The following ATP11C variants were observed in gnomAD, a reference collection of about 807,000 sequenced individuals.
ATP11C encodes ATPase phospholipid transporting 11C (ATP11C blood group).
ATP11C carries 36 observed loss-of-function variants against 97.4 expected under a neutral mutation model. That is an observed-to-expected ratio of 0.37 (90% CI 0.28 to 0.49). The LOEUF (loss-of-function observed/expected upper bound fraction) is 0.49. ATP11C is among the 20% of genes least tolerant of loss of function. The pLI is 0.98. For synonymous variants in ATP11C, 275 were observed against 290.9 expected (o/e 0.95, Z 0.56); for missense variants, 730 against 824.6 (o/e 0.89, Z 1.40).
chrX:139,766,723 AAAG>A (rs778379065), intron 20 of ATP11C, among the ~76,000 whole-genome samples: 2 of 111,990 alleles, frequency 1.8e-5, no homozygotes, highest in South Asian at 7.4e-4. Flanking sequence ...AACACATATG[AAAG>A]AATATCCTAT....
chrX:139,801,075 C>A lies in ATP11C; in HGVS notation c.660-965G>T, dbSNP rs530495447. Among the ~76,000 whole-genome samples, 353 of 112,363 alleles carry A rather than the reference C, an allele frequency of 3.1e-3. 3 individuals carry two copies. Among genetic ancestry groups the A allele is most frequent in the African/African-American group, 0.011 (331 of 30,986 alleles). On this transcript the variant is annotated intron_variant, in intron 7 of 29. Coordinates refer to ENST00000682941, the MANE Select transcript of ATP11C (RefSeq NM_001353812.2). ...TTCCGAAGTCACACAGCAAGGAATT[C>A]AATCGTCTAAGGAAATAAGGAATAA...
At chrX:139,891,450 T>G (rs1379501553) in intron 1 of ATP11C, among the ~76,000 whole-genome samples, 1 of 111,995 alleles carries the variant, frequency 8.9e-6, no homozygotes, top group Non-Finnish European at 1.9e-5. Context: ...AAGCCCTCCA[T>G]GAACCACCCT....
At chrX:139,863,978 T>C (rs1274992609) in intron 1 of ATP11C, among the ~76,000 whole-genome samples, 1 of 109,815 alleles carries the variant, frequency 9.1e-6, no homozygotes, top group Non-Finnish European at 1.9e-5. Flanking sequence ...GTAGGAGGAT[T>C]GCTTACACCC....
chrX:139,905,683 A>G (rs544732461), intron 1 of ATP11C, among the ~76,000 whole-genome samples: 1 of 111,929 alleles, frequency 8.9e-6, no homozygotes, highest in Admixed American at 9.5e-5. Context: ...TGACACAGGA[A>G]AAGTTTTTTT....
chrX:139,775,898 C>A (rs2082339095), intron 18 of ATP11C, among the ~76,000 whole-genome samples: 1 of 112,511 alleles, frequency 8.9e-6, no homozygotes, highest in Non-Finnish European at 1.9e-5. Context: ...GTTATCATAC[C>A]ATCAGATTCC....
At chrX:139,842,732 G>A (rs1412755018) in intron 1 of ATP11C, among the ~76,000 whole-genome samples, 1 of 112,075 alleles carries the variant, frequency 8.9e-6, no homozygotes, top group Non-Finnish European at 1.9e-5. Context: ...GGTAATTTTG[G>A]CCTCTTGTGA....
intron 8 of ATP11C, 27 bp downstream of exon 8, chrX:139,800,033 G>T (rs1444184440): frequency 1.9e-6 from 2 of 1,061,900 alleles, no homozygotes; most frequent in South Asian, 2.1e-5. Flanking sequence ...CCAACCAAAG[G>T]ACAAATTAAA....
At chrX:139,898,688 AT>A (rs2084848571) in intron 1 of ATP11C, among the ~76,000 whole-genome samples, 1 of 111,922 alleles carries the variant, frequency 8.9e-6, no homozygotes, top group African/African-American at 3.2e-5. Context: ...TTAAATCAAT[AT>A]TTGAAACATG....
intron 27 of ATP11C, 36 bp downstream of exon 27, chrX:139,740,955 T>C (rs1367856179): frequency 1.1e-6 from 1 of 894,139 alleles, no homozygotes; most frequent in Non-Finnish European, 1.6e-6. Context: ...TCTACTTTGC[T>C]ATTTACATAT....
chrX:139,873,770 T>TA (rs1448685846), intron 1 of ATP11C, among the ~76,000 whole-genome samples: 1 of 101,901 alleles, frequency 9.8e-6, no homozygotes, highest in African/African-American at 3.8e-5. Context: ...TTACTACAAT[T>TA]TAAAAAAAAA....
chrX:139,732,451 G>C (rs1339641663), intron 28 of ATP11C: 1 of 370,218 alleles, frequency 2.7e-6, no homozygotes, highest in Admixed American at 2.6e-5. Flanking sequence ...CACTCCAAGA[G>C]AAACTGTGAT....
At chrX:139,807,909 G>A (rs1218188803) in intron 5 of ATP11C, among the ~76,000 whole-genome samples, 1 of 104,873 alleles carries the variant, frequency 9.5e-6, no homozygotes, top group Non-Finnish European at 1.9e-5. Context: ...CTATGGCTGC[G>A]CCACTGTACT....
intron 5 of ATP11C, among the ~76,000 whole-genome samples, chrX:139,810,573 T>C (rs1011162226): frequency 8.9e-6 from 1 of 112,533 alleles, no homozygotes; most frequent in Admixed American, 9.4e-5. Context: ...TTAAACTAAA[T>C]GAAAATGTAA....
chrX:139,900,680 C>A (rs926921357), intron 1 of ATP11C, among the ~76,000 whole-genome samples: 2 of 111,913 alleles, frequency 1.8e-5, no homozygotes, highest in South Asian at 7.4e-4. Flanking sequence ...CTGAAGACAT[C>A]AACTGATAAA....
At position 139,728,126 on chromosome X, in the gene ATP11C, T is replaced by G. The variant is rs369290361; in HGVS notation, c.*840A>C. On this transcript the variant is annotated 3_prime_UTR_variant, in exon 30 of 30. Transcript: ENST00000682941. ...ATAACTATGGTTTAAACCACCTTAC[T>G]GCAGATCCCAGTAAAATCAACACTG... 4.5e-5 allele frequency: 5 copies of G among 112,189 alleles called. No homozygotes were observed. The East Asian group carries it at 8.4e-4, about 19-fold the overall frequency. The allele number at this position is 112,189 out of a possible 1,213,427, so 9.2% of individuals were successfully genotyped here.
chrX:139,865,716 G>A (rs2084271136), intron 1 of ATP11C, among the ~76,000 whole-genome samples: 2 of 111,259 alleles, frequency 1.8e-5, no homozygotes, highest in Admixed American at 1.9e-4. Context: ...AGCAAAGATC[G>A]TGCCACTGCA....
chrX:139,816,824 G>A (rs1428611324), intron 4 of ATP11C, 39 bp downstream of exon 4: 3 of 959,779 alleles, frequency 3.1e-6, no homozygotes, highest in Non-Finnish European at 4.5e-6. Context: ...CAACAAGCCT[G>A]GACTGAAATG....
At chrX:139,803,072 G>A (rs1271058205) in intron 6 of ATP11C, among the ~76,000 whole-genome samples, 1 of 111,627 alleles carries the variant, frequency 9.0e-6, no homozygotes, top group African/African-American at 3.3e-5. Flanking sequence ...CATCTTGGGG[G>A]AAATATTACG....
chrX:139,767,136 G>A (rs1427995122), intron 20 of ATP11C, among the ~76,000 whole-genome samples: 2 of 111,644 alleles, frequency 1.8e-5, no homozygotes, highest in Non-Finnish European at 3.8e-5. Flanking sequence ...TTCATCCTAA[G>A]GGACTAAGAA....
Sources: allele counts gnomAD v4.1 joint callset (sites outside exome capture counted in the v4.1 genomes callset), GRCh38; gene constraint gnomAD v4.1.1; transcripts MANE v1.5; gene names NCBI Gene and HGNC (gene_info 2026-07-23, HGNC 2026-07-21).